ITGBL1: variants seen among roughly 807,000 people sequenced by gnomAD.
ITGBL1 encodes integrin subunit beta like 1.
Under a neutral mutation model 68.5 loss-of-function variants are expected in ITGBL1, and 51 were observed. That is an observed-to-expected ratio of 0.74 (90% CI 0.59 to 0.94). The LOEUF (loss-of-function observed/expected upper bound fraction) is 0.94. Among genes scored for constraint, ITGBL1 ranks in the 40% least tolerant of loss-of-function variants. The pLI is 0.00. For synonymous variants in ITGBL1, 209 were observed against 227.3 expected (o/e 0.92, Z 0.72); for missense variants, 649 against 647.4 (o/e 1.00, Z -0.03).
intron 7 of ITGBL1, among the ~76,000 whole-genome samples, chr13:101,624,345 A>C (rs1156743972): frequency 6.6e-6 from 1 of 152,132 alleles, no homozygotes; most frequent in Non-Finnish European, 1.5e-5. Flanking sequence ...TCTCCAGATA[A>C]ACATTTATGT....
intron 4 of ITGBL1, among the ~76,000 whole-genome samples, chr13:101,577,022 CA>C (rs2050374140): frequency 1.3e-5 from 2 of 150,984 alleles, no homozygotes; most frequent in Admixed American, 6.6e-5. Context: ...ACCACAAAAG[CA>C]GAGTCTATTT....
intron 3 of ITGBL1, among the ~76,000 whole-genome samples, chr13:101,569,894 C>G (rs191235218): frequency 6.6e-6 from 1 of 152,236 alleles, no homozygotes; most frequent in East Asian, 1.9e-4. Flanking sequence ...TTATTTCTGA[C>G]TTACCCTCTT....
At chr13:101,616,900 A>G (rs2031386592) in intron 7 of ITGBL1, among the ~76,000 whole-genome samples, 1 of 152,168 alleles carries the variant, frequency 6.6e-6, no homozygotes, top group Admixed American at 6.5e-5. Context: ...TTAGCCTGGA[A>G]TTCATGCAAC....
intron 2 of ITGBL1, among the ~76,000 whole-genome samples, chr13:101,506,231 T>A (rs905277285): frequency 1.3e-5 from 2 of 152,188 alleles, no homozygotes; most frequent in Non-Finnish European, 2.9e-5. Context: ...TTAGTTTGAT[T>A]TAGGACAAAA....
At chr13:101,606,965 A>T (rs2139357627) in intron 7 of ITGBL1, among the ~76,000 whole-genome samples, 1 of 152,122 alleles carries the variant, frequency 6.6e-6, no homozygotes, top group East Asian at 1.9e-4. Context: ...TATATTTTGT[A>T]TTATATACAT....
intron 2 of ITGBL1, among the ~76,000 whole-genome samples, chr13:101,497,155 T>C (rs2048868953): frequency 6.6e-6 from 1 of 152,246 alleles, no homozygotes; most frequent in African/African-American, 2.4e-5. Context: ...CCCTTTACTT[T>C]AGAAGTAGCC....
At chr13:101,588,370 CT>C (rs2050595124) in intron 6 of ITGBL1, among the ~76,000 whole-genome samples, 2 of 151,642 alleles carry the variant, frequency 1.3e-5, no homozygotes, top group East Asian at 3.9e-4. Context: ...TATTTGAATT[CT>C]TCTGATGTTC....
At chr13:101,609,295 T>C (rs1160463288) in intron 7 of ITGBL1, among the ~76,000 whole-genome samples, 1 of 152,090 alleles carries the variant, frequency 6.6e-6, no homozygotes, top group Non-Finnish European at 1.5e-5. Context: ...AATAGGGTGC[T>C]TCTGGTATCC....
At chr13:101,548,345 A>G (rs981453114) in intron 2 of ITGBL1, among the ~76,000 whole-genome samples, 12 of 151,888 alleles carry the variant, frequency 7.9e-5, no homozygotes, top group African/African-American at 2.9e-4. Flanking sequence ...GGCTGGCTTA[A>G]TCTTAGTATC....
intron 2 of ITGBL1, among the ~76,000 whole-genome samples, chr13:101,506,789 C>T (rs2049033386): frequency 6.6e-6 from 1 of 152,118 alleles, no homozygotes; most frequent in South Asian, 2.1e-4. Flanking sequence ...TCCTTCTCTC[C>T]TGAGATCTCT....
At chr13:101,575,346 A>G in intron 3 of ITGBL1, 78 bp from the exon 4 acceptor site, 1 of 1,336,468 alleles carries the variant, frequency 7.5e-7, no homozygotes. Flanking sequence ...TACTCTCTTG[A>G]GAGAGATGGT....
intron 2 of ITGBL1, among the ~76,000 whole-genome samples, chr13:101,476,257 A>T (rs1312723641): frequency 6.6e-6 from 1 of 152,124 alleles, no homozygotes; most frequent in Non-Finnish European, 1.5e-5. Flanking sequence ...TTTTGCAATC[A>T]GTGTTGTCAT....
chr13:101,659,445 T>G (rs1222034204), intron 7 of ITGBL1, among the ~76,000 whole-genome samples: 1 of 152,196 alleles, frequency 6.6e-6, no homozygotes, highest in East Asian at 1.9e-4. Flanking sequence ...GTGGTTGAAC[T>G]TCATCCCAAA....
intron 6 of ITGBL1, among the ~76,000 whole-genome samples, chr13:101,590,456 G>A (rs190145778): frequency 1.1e-4 from 17 of 152,146 alleles, no homozygotes; most frequent in African/African-American, 3.9e-4. Flanking sequence ...ATTCAGGTGG[G>A]CCTTAGTGGC....
intron 8 of ITGBL1, among the ~76,000 whole-genome samples, chr13:101,693,581 A>C (rs2033929906): frequency 6.6e-6 from 1 of 151,866 alleles, no homozygotes; most frequent in Non-Finnish European, 1.5e-5. Flanking sequence ...GTGTGTCTTA[A>C]TGGAAGGCTG....
intron 7 of ITGBL1, among the ~76,000 whole-genome samples, chr13:101,611,092 A>G (rs987467133): frequency 6.6e-6 from 1 of 152,040 alleles, no homozygotes; most frequent in Non-Finnish European, 1.5e-5. Flanking sequence ...GCCTGGGGGG[A>G]AATATGTCTC....
At chr13:101,681,335 A>C (rs2033635449) in intron 7 of ITGBL1, among the ~76,000 whole-genome samples, 1 of 152,118 alleles carries the variant, frequency 6.6e-6, no homozygotes, top group South Asian at 2.1e-4. Flanking sequence ...TGGTTTCTGA[A>C]GGTGATTACA....
chr13:101,585,899 T>A (rs528613214), intron 6 of ITGBL1, among the ~76,000 whole-genome samples: 1 of 152,280 alleles, frequency 6.6e-6, no homozygotes, highest in South Asian at 2.1e-4. Context: ...AATCCATAAT[T>A]CTGATGTTGA....
chr13:101,650,526 T>C (rs1412886758), intron 7 of ITGBL1, among the ~76,000 whole-genome samples: 3 of 152,160 alleles, frequency 2.0e-5, no homozygotes, highest in African/African-American at 7.2e-5. Flanking sequence ...AAAAAGTAAG[T>C]ATCACCAGTG....
Sources: gnomAD v4.1 joint callset for allele counts (sites outside exome capture counted in the v4.1 genomes callset) on GRCh38, gnomAD v4.1.1 for gene constraint, MANE v1.5 for transcripts, NCBI Gene and HGNC (gene_info 2026-07-23, HGNC 2026-07-21) for gene names.